Variants in SUMF1 observed in about 807,000 individuals in gnomAD.
The protein encoded by SUMF1 is formylglycine-generating enzyme.
In SUMF1, 48 loss-of-function variants were observed where a neutral mutation model predicts 47.6. That is an observed-to-expected ratio of 1.01 (90% confidence interval 0.80 to 1.28). SUMF1 has a LOEUF of 1.28. Among genes scored for constraint, SUMF1 ranks in the 50% most tolerant of loss-of-function variants. The probability of loss-of-function intolerance (pLI) is 0.00; values close to 1 mark genes in which losing one functional copy is unlikely to be tolerated. For missense variants in SUMF1, 571 were observed against 485.4 expected (o/e 1.18, Z -1.66); for synonymous variants, 230 against 192.1 (o/e 1.20, Z -1.63).
chr3:4,322,904 C>T (rs752010086), intron 8 of SUMF1, among the ~76,000 whole-genome samples: 1 of 151,916 alleles, frequency 6.6e-6, no homozygotes, highest in Non-Finnish European at 1.5e-5. Flanking sequence ...GATGACACAG[C>T]AAGATGCTGT....
chr3:4,263,097 T>C (rs1575032815), intron 8 of SUMF1, among the ~76,000 whole-genome samples: 1 of 152,094 alleles, frequency 6.6e-6, no homozygotes, highest in African/African-American at 2.4e-5. Flanking sequence ...AGAAAAGCAA[T>C]GCTTAGTTCT....
chr3:4,199,454 G>T (rs940446296), intron 8 of SUMF1, among the ~76,000 whole-genome samples: 1 of 152,088 alleles, frequency 6.6e-6, no homozygotes, highest in African/African-American at 2.4e-5. Flanking sequence ...GTCTTTGTGT[G>T]CACATATGAT....
intron 8 of SUMF1, among the ~76,000 whole-genome samples, chr3:4,173,665 G>T (rs1045712592): frequency 4.6e-5 from 7 of 152,188 alleles, no homozygotes; most frequent in Non-Finnish European, 8.8e-5. Flanking sequence ...TTAAAAAAAT[G>T]TGGCACATAT....
chr3:4,106,272 G>GA (rs1693155953), intron 8 of SUMF1, among the ~76,000 whole-genome samples: 1 of 151,910 alleles, frequency 6.6e-6, no homozygotes, highest in Non-Finnish European at 1.5e-5. Flanking sequence ...AGTAAACATT[G>GA]GCCTAAAGAA....
intron 9 of SUMF1, among the ~76,000 whole-genome samples, chr3:4,039,209 A>ATTTTTTTTTTT (rs775459424): frequency 9.4e-4 from 37 of 39,496 alleles, no homozygotes; most frequent in South Asian, 4.2e-3. Flanking sequence ...ATCTATGCAA[A>ATTTTTTTTTTT]TTTTTTTTTT....
chr3:4,348,817 G>A (rs971788191), intron 8 of SUMF1, among the ~76,000 whole-genome samples: 3 of 152,200 alleles, frequency 2.0e-5, no homozygotes, highest in African/African-American at 7.2e-5. Context: ...AGAGGTTGCG[G>A]TGAGCCAAGA....
chr3:4,290,130 A>C lies in SUMF1; in HGVS notation c.1014+86200T>G, dbSNP rs569474140. Among the ~76,000 whole-genome samples the C allele has an allele frequency of 4.6e-5, 7 of 152,340 alleles. No homozygotes were observed. In the South Asian group the frequency reaches 1.4e-3, roughly 32 times the overall value. On this transcript the variant is annotated intron_variant and NMD_transcript_variant, in intron 8 of 12. Coordinates refer to the SUMF1 transcript ENST00000448413. ...ACAATGAAACTTAAAAGACATACCC[A>C]ATTTTTAACTCTCAGACAAATAAAA...
At chr3:4,385,952 C>G (rs79946490) in intron 7 of SUMF1, among the ~76,000 whole-genome samples, 1 of 152,060 alleles carries the variant, frequency 6.6e-6, no homozygotes. Context: ...TATGTGTGGG[C>G]CTATTTCTGG....
chr3:4,362,200 A>C lies in SUMF1; in HGVS notation c.1069T>G (p.Ser357Ala). Residue 357 changes from serine to alanine, a missense_variant, in exon 9 of 9, where the codon TCT becomes GCT. By Grantham distance (99) the Ser-to-Ala change is moderately conservative. Transcript: ENST00000272902. ...AARSQNTPDS[S>A]ASNLGFRCAA... ...CAGCGGAATCCCAGATTCGAAGCAGAGCTATCAGGTGTGTTCTGGCTCCGA... is the reference window on the plus strand; with the variant it reads ...CAGCGGAATCCCAGATTCGAAGCAGCGCTATCAGGTGTGTTCTGGCTCCGA... 1 of 1,614,234 alleles carries C rather than the reference A, an allele frequency of 6.2e-7. No individual in the cohort carries two copies. The highest frequency in any genetic ancestry group is 8.5e-7 in the Non-Finnish European group (1 of 1,180,028).
intron 8 of SUMF1, among the ~76,000 whole-genome samples, chr3:4,324,346 G>T (rs748052715): frequency 3.3e-5 from 5 of 152,156 alleles, no homozygotes; most frequent in Non-Finnish European, 5.9e-5. Flanking sequence ...ACTGAGGCAG[G>T]TCTCAATCAA....
chr3:4,428,206 T>C (rs1046693640), intron 3 of SUMF1, among the ~76,000 whole-genome samples: 4 of 152,212 alleles, frequency 2.6e-5, no homozygotes, highest in Non-Finnish European at 5.9e-5. Context: ...AAAATGTTTG[T>C]ACAAATTCAA....
In SUMF1 at chr3:4,369,782, T is replaced by G. The variant is rs572252268; in HGVS notation, c.1014+6548A>C. Among the ~76,000 whole-genome samples, 14 of 152,220 alleles carry G rather than the reference T, an allele frequency of 9.2e-5. No individual in the cohort carries two copies. The South Asian group carries it at 2.1e-3, about 23-fold the overall frequency. On this transcript the variant is annotated intron_variant, in intron 8 of 8. Transcript: ENST00000272902. The stretch of plus-strand genomic sequence containing the variant: ...CCCAAGAACCTACTTCTAACAAGCT[T>G]CTAGGTGCTGCTGATGCTACAGGCC...
chr3:4,150,104 A>AT (rs1408088974), intron 8 of SUMF1, among the ~76,000 whole-genome samples: 3 of 132,204 alleles, frequency 2.3e-5, no homozygotes, highest in Non-Finnish European at 3.2e-5. Flanking sequence ...TTATTTATTT[A>AT]TTTATTTTGC....
intron 8 of SUMF1, among the ~76,000 whole-genome samples, chr3:4,283,901 T>C (rs1697577608): frequency 6.6e-6 from 1 of 152,132 alleles, no homozygotes; most frequent in Non-Finnish European, 1.5e-5. Flanking sequence ...GTAGAAGAGG[T>C]ATGGGATCTC....
At chr3:4,320,748 T>G (rs1698812758) in intron 8 of SUMF1, among the ~76,000 whole-genome samples, 1 of 152,156 alleles carries the variant, frequency 6.6e-6, no homozygotes, top group Non-Finnish European at 1.5e-5. Context: ...TCTTTCCTGG[T>G]TGTTTGATGA....
chr3:4,194,646 G>A (rs1017384808), intron 8 of SUMF1, among the ~76,000 whole-genome samples: 1 of 152,130 alleles, frequency 6.6e-6, no homozygotes, highest in Non-Finnish European at 1.5e-5. Context: ...AATTACAGGA[G>A]AAAATGCTTA....
Position 4,452,967 on chromosome 3 carries a change from C to A in SUMF1, c.353G>T (p.Arg118Ile), listed in dbSNP as rs770788735. ...IKQDGEAPARRVTIDAFYMDA... is the reference protein window; with the variant it reads ...IKQDGEAPARIVTIDAFYMDA... ...CATGTAAAAGGCATCAATAGTAACT[C>A]TCCTCGCAGGTGCTTCCCCATCCTG... Residue 118 changes from arginine to isoleucine, a missense_variant, in exon 2 of 9, where the codon AGA becomes ATA. Arg to Ile is a moderately conservative substitution (Grantham distance 97). Coordinates refer to ENST00000272902, the MANE Select transcript of SUMF1 (RefSeq NM_182760.4). 1 of 1,614,074 alleles carries A rather than the reference C, an allele frequency of 6.2e-7. No individual in the cohort carries two copies. The highest frequency in any genetic ancestry group is 8.5e-7 in the Non-Finnish European group (1 of 1,180,054).
chr3:4,185,196 C>T (rs1437825660), intron 8 of SUMF1, among the ~76,000 whole-genome samples: 3 of 152,172 alleles, frequency 2.0e-5, no homozygotes, highest in Non-Finnish European at 4.4e-5. Context: ...CATAGTCCTT[C>T]GTTACTGAAC....
At chr3:4,207,707 T>C (rs1463208567) in intron 8 of SUMF1, among the ~76,000 whole-genome samples, 1 of 151,968 alleles carries the variant, frequency 6.6e-6, no homozygotes, top group Non-Finnish European at 1.5e-5. Context: ...AACTGAAAAA[T>C]CAATAACTAT....
Sources: allele counts gnomAD v4.1 joint callset (sites outside exome capture counted in the v4.1 genomes callset), GRCh38; gene constraint gnomAD v4.1.1; transcripts MANE v1.5; gene names NCBI Gene and HGNC (gene_info 2026-07-23, HGNC 2026-07-21).